Variants in HAS3 observed in about 807,000 individuals in gnomAD.
The protein encoded by HAS3 is HA synthase 3.
HAS3 carries 27 observed loss-of-function variants against 50.3 expected under a neutral mutation model. That is an observed-to-expected ratio of 0.54 (90% CI 0.40 to 0.74). The LOEUF (loss-of-function observed/expected upper bound fraction) is 0.74, where lower values mean the gene tolerates loss of function less well. HAS3 is among the 30% of genes least tolerant of loss of function. The pLI, the probability that HAS3 is intolerant of heterozygous loss-of-function variation, is 0.00. For synonymous variants in HAS3, 339 were observed against 310.9 expected (o/e 1.09, Z -0.95); for missense variants, 517 against 742.8 (o/e 0.70, Z 3.53).
intron 2 of HAS3, among the ~76,000 whole-genome samples, chr16:69,111,057 T>G (rs1042699675): frequency 2.0e-5 from 3 of 151,782 alleles, no homozygotes; most frequent in African/African-American, 7.2e-5. Context: ...TTGATATGGT[T>G]TCCATCTTCA....
chr16:69,107,671 G>T lies in HAS3; in HGVS notation c.1-1725G>T. The T allele has an allele frequency of 1.0e-6, 1 of 985,648 alleles. No homozygotes were observed. 61.1% of individuals were successfully genotyped at this position (985,648 alleles called of 1,614,324 possible). A position where few individuals can be genotyped will look rare whatever the true frequency, so the allele number is the denominator to read the frequency against. On this transcript the variant is annotated intron_variant, in intron 1 of 3. Transcript: ENST00000569188. This position sits in a 1 kb window ranked among gnomAD's most constrained non-coding sequence, Gnocchi z 5.5. ...CTACCCAGAGCGCAGGCAGGCAGGG[G>T]GGTCCCGCCGCGCCCCTTCAGCATG... is the stretch of plus-strand genomic sequence containing the variant.
chr16:69,091,826 T>G, the HAS3 span, among the ~76,000 whole-genome samples: 1 of 152,212 alleles, frequency 6.6e-6, no homozygotes, highest in South Asian at 2.1e-4. Flanking sequence ...TCTCTGAGAC[T>G]CTGCCCTTGG....
At chr16:69,095,238 A>G in the HAS3 span, among the ~76,000 whole-genome samples, 4 of 152,152 alleles carry the variant, frequency 2.6e-5, no homozygotes, top group East Asian at 5.8e-4. Context: ...ACCAGCCTCA[A>G]TCCCTCAAAG....
At chr16:69,118,156 C>CAAAA, downstream of HAS3, 1 of 475,320 alleles carries the variant, frequency 2.1e-6, no homozygotes. Context: ...TATTCCCATC[C>CAAAA]ACATCAGTTT....
chr16:69,091,745 C>A, the HAS3 span, among the ~76,000 whole-genome samples: 1 of 152,154 alleles, frequency 6.6e-6, no homozygotes, highest in Non-Finnish European at 1.5e-5. Context: ...ATTACTAGTT[C>A]GTGGCTTATA....
the HAS3 span, among the ~76,000 whole-genome samples, chr16:69,097,447 CA>C: frequency 1.7e-3 from 229 of 138,044 alleles, no homozygotes; most frequent in Middle Eastern, 3.7e-3. Flanking sequence ...ACTCTTTCTC[CA>C]AAAAAAAAAA....
chr16:69,112,196 G>A (rs1409539340), intron 2 of HAS3, among the ~76,000 whole-genome samples: 1 of 152,232 alleles, frequency 6.6e-6, no homozygotes, highest in Admixed American at 6.5e-5. Context: ...AATGGGCTAG[G>A]GCAGGGGCAG....
intron 2 of HAS3, among the ~76,000 whole-genome samples, chr16:69,110,764 G>A (rs975901705): frequency 5.9e-5 from 9 of 152,170 alleles, no homozygotes; most frequent in Admixed American, 4.6e-4. Flanking sequence ...TCTTACCTGT[G>A]ATGCAGCACT....
chr16:69,092,405 C>T, the HAS3 span, among the ~76,000 whole-genome samples: 1 of 152,088 alleles, frequency 6.6e-6, no homozygotes, highest in Non-Finnish European at 1.5e-5. Flanking sequence ...GAGCTCAAGA[C>T]CAGCCTGGCC....
Position 69,114,809 on chromosome 16 carries a change from A to C in HAS3, c.1205A>C (p.Tyr402Ser). ...ATTGCCACGGTTATACAGCTTTTCT[A>C]CCGGGGCCGCATCTGGAACATTCTC... ...FLIATVIQLF[Y>S]RGRIWNILLF... The change falls in exon 4 of 4, where the codon TAC becomes TCC. Residue 402 changes from tyrosine (Y) to serine (S), a missense_variant. Transcript: ENST00000569188. The surrounding 1 kb of genome is among the most constrained non-coding windows in gnomAD (Gnocchi z 6.4). 6.2e-7 allele frequency: 1 copy of C among 1,613,852 alleles called. No homozygotes were observed. Among genetic ancestry groups the C allele is most frequent in the Non-Finnish European group, 8.5e-7 (1 of 1,179,984 alleles).
the HAS3 span, among the ~76,000 whole-genome samples, chr16:69,086,138 G>T: frequency 6.6e-6 from 1 of 151,856 alleles, no homozygotes; most frequent in African/African-American, 2.4e-5. Context: ...AAAGTGTTGG[G>T]ATTACAGGCA....
chr16:69,111,118 C>A (rs1489614292), intron 2 of HAS3, among the ~76,000 whole-genome samples: 1 of 125,942 alleles, frequency 7.9e-6, no homozygotes, highest in African/African-American at 3.0e-5. Context: ...TCTTTCAGTA[C>A]AAAGTAGAAA....
chr16:69,103,501 T>C (rs992649119), upstream of HAS3, among the ~76,000 whole-genome samples: 1 of 152,190 alleles, frequency 6.6e-6, no homozygotes, highest in Non-Finnish European at 1.5e-5. Context: ...GTTCAAGTGA[T>C]TCTCCTGCCT....
chr16:69,102,859 G>A (rs190079132), upstream of HAS3, among the ~76,000 whole-genome samples: 1 of 152,258 alleles, frequency 6.6e-6, no homozygotes, highest in East Asian at 1.9e-4. Flanking sequence ...TGCACCCAGA[G>A]AAGTCATGTT....
Position 69,116,534 on chromosome 16 carries a change from TCTC to T in HAS3, c.*1272_*1274del. The stretch of plus-strand genomic sequence containing the variant: ...AATGGTTATCTTTGAGACCATCCAT[TCTC>T]CTCAGTGGCTTCTCCAGGGAATTCT... On this transcript the variant is annotated 3_prime_UTR_variant, in exon 4 of 4. Transcript: ENST00000569188. 1 of 985,608 alleles carries T rather than the reference TCTC, an allele frequency of 1.0e-6. No individual in the cohort carries two copies. Among genetic ancestry groups the T allele is most frequent in the Non-Finnish European group, 1.2e-6 (1 of 829,734 alleles). 61.1% of individuals were successfully genotyped at this position (985,608 alleles called of 1,614,324 possible).
At position 69,116,842 on chromosome 16, in the gene HAS3, C is replaced by T. The variant is rs1384142668; in HGVS notation, c.*1576C>T. 3.3e-5 allele frequency: 33 copies of T among 985,330 alleles called. No homozygotes were observed. The highest frequency in any genetic ancestry group is 3.9e-5 in the Non-Finnish European group (32 of 829,956). 61.0% of individuals were successfully genotyped at this position (985,330 alleles called of 1,614,324 possible). On this transcript the variant is annotated 3_prime_UTR_variant, in exon 4 of 4. Coordinates refer to ENST00000569188, the MANE Select transcript of HAS3 (RefSeq NM_001199280.2). ...CTTGCTTGCCCTCCAAATGTCCTTTCTCAGAGGGGCCAGCTAACCCGTGCA... is the reference window on the plus strand; with the variant it reads ...CTTGCTTGCCCTCCAAATGTCCTTTTTCAGAGGGGCCAGCTAACCCGTGCA...
chr16:69,115,328 GAA>G lies in HAS3; in HGVS notation c.*65_*66del. 2 of 1,474,382 alleles carry G rather than the reference GAA, an allele frequency of 1.4e-6. No homozygotes were observed. The highest frequency in any genetic ancestry group is 1.4e-5 in the African/African-American group (1 of 71,248). The allele number at this position is 1,474,382 out of a possible 1,614,324, so 91.3% of individuals were successfully genotyped here. A position where few individuals can be genotyped will look rare whatever the true frequency, so the allele number is the denominator to read the frequency against. ...TAAGGGAGGGAAGGGGAATGGAAGA[GAA>G]AAGACAGGGTGGGAGGGAGGAGGGA... is the stretch of plus-strand genomic sequence containing the variant. On this transcript the variant is annotated 3_prime_UTR_variant, in exon 4 of 4. Transcript: ENST00000569188.
the HAS3 span, among the ~76,000 whole-genome samples, chr16:69,089,727 C>G: frequency 6.6e-6 from 1 of 152,186 alleles, no homozygotes; most frequent in African/African-American, 2.4e-5. Context: ...ACCCCACCTT[C>G]GGCCCTGGAA....
At chr16:69,089,077 A>T in the HAS3 span, among the ~76,000 whole-genome samples, 1 of 152,138 alleles carries the variant, frequency 6.6e-6, no homozygotes, top group Non-Finnish European at 1.5e-5. Flanking sequence ...TGGTAGCAGC[A>T]GTTTCTCCTC....
Sources: allele counts gnomAD v4.1 joint callset (sites outside exome capture counted in the v4.1 genomes callset), GRCh38; gene constraint gnomAD v4.1.1; non-coding constraint Gnocchi (gnomAD v3.1); transcripts MANE v1.5; gene names NCBI Gene and HGNC (gene_info 2026-07-23, HGNC 2026-07-21).